Variants in KCNMA1 observed in about 807,000 individuals in gnomAD.
KCNMA1 encodes the protein potassium calcium-activated channel subfamily M alpha 1.
In KCNMA1, 29 loss-of-function variants were observed where a neutral mutation model predicts 140.0. That is an observed-to-expected ratio of 0.21 (90% CI 0.15 to 0.28). KCNMA1 has a LOEUF of 0.28. Ranked by LOEUF, KCNMA1 falls within the 10% of genes least tolerant of loss-of-function variation. The pLI is 1.00. For synonymous variants in KCNMA1, 612 were observed against 611.9 expected, an observed-to-expected ratio of 1.00 and a Z score of 0.00; for missense variants, 880 against 1,602.2, an observed-to-expected ratio of 0.55 and a Z score of 7.70.
intron 6 of KCNMA1, among the ~76,000 whole-genome samples, chr10:77,113,583 C>T (rs1360926096): frequency 1.3e-5 from 2 of 152,286 alleles, no homozygotes; most frequent in Non-Finnish European, 1.5e-5. Context: ...CCTGCCTTAG[C>T]CTCCCGAGTA....
chr10:77,180,832 C>T (rs1359255388), intron 5 of KCNMA1, among the ~76,000 whole-genome samples: 2 of 152,132 alleles, frequency 1.3e-5, no homozygotes, highest in Non-Finnish European at 2.9e-5. Context: ...AATTCATTTC[C>T]ACCTCTTTTA....
At chr10:77,509,548 T>C (rs1477309153) in intron 1 of KCNMA1, among the ~76,000 whole-genome samples, 2 of 152,184 alleles carry the variant, frequency 1.3e-5, no homozygotes, top group South Asian at 2.1e-4. Context: ...ATTCTATGTG[T>C]CATATTTTGA....
intron 1 of KCNMA1, among the ~76,000 whole-genome samples, chr10:77,455,025 C>A (rs935750852): frequency 4.6e-5 from 7 of 152,192 alleles, no homozygotes; most frequent in Non-Finnish European, 8.8e-5. Context: ...GCTTTAACTT[C>A]CTCCCTATCC....
intron 5 of KCNMA1, among the ~76,000 whole-genome samples, chr10:77,175,245 C>T (rs59158082): frequency 0.11 from 16,725 of 152,150 alleles, 1,527 homozygotes; most frequent in African/African-American, 0.25. Context: ...ATTGGACTAA[C>T]CTGAGTCTTG....
chr10:77,357,084 G>A (rs1449627935), intron 2 of KCNMA1, among the ~76,000 whole-genome samples: 1 of 152,200 alleles, frequency 6.6e-6, no homozygotes, highest in Non-Finnish European at 1.5e-5. Flanking sequence ...AGAGGTAAGA[G>A]ATGGAAAAAG....
At chr10:77,619,869 G>C (rs2090852457) in intron 1 of KCNMA1, among the ~76,000 whole-genome samples, 1 of 152,184 alleles carries the variant, frequency 6.6e-6, no homozygotes, top group South Asian at 2.1e-4. Context: ...CAGGAAGGCG[G>C]CATTCCCAGC....
chr10:77,568,934 A>T (rs1182616105), intron 1 of KCNMA1, among the ~76,000 whole-genome samples: 3 of 149,478 alleles, frequency 2.0e-5, no homozygotes, highest in African/African-American at 7.4e-5. Flanking sequence ...ATTCTCATAC[A>T]CCAACAACAG....
chr10:77,529,760 A>G (rs2057091842), intron 1 of KCNMA1, among the ~76,000 whole-genome samples: 1 of 152,118 alleles, frequency 6.6e-6, no homozygotes, highest in Admixed American at 6.5e-5. Flanking sequence ...CCAAGCAGAG[A>G]GTGACCAGGC....
chr10:77,564,095 T>C (rs2067314671), intron 1 of KCNMA1, among the ~76,000 whole-genome samples: 1 of 152,156 alleles, frequency 6.6e-6, no homozygotes, highest in Non-Finnish European at 1.5e-5. Context: ...CCAAGAGATA[T>C]TGGCAATAAA....
chr10:77,254,795 T>C (rs1194643985), intron 2 of KCNMA1, among the ~76,000 whole-genome samples: 2 of 152,272 alleles, frequency 1.3e-5, no homozygotes, highest in East Asian at 1.9e-4. Flanking sequence ...CAAGCTTCTA[T>C]AGTTTCAGGG....
intron 14 of KCNMA1, among the ~76,000 whole-genome samples, chr10:77,060,724 A>G (rs1170920656): frequency 4.6e-5 from 7 of 152,322 alleles, no homozygotes; most frequent in African/African-American, 1.4e-4. Context: ...GTGATTAACG[A>G]TCTTGTGATA....
At chr10:77,041,693 G>GCTTC in intron 14 of KCNMA1, among the ~76,000 whole-genome samples, 1 of 152,356 alleles carries the variant, frequency 6.6e-6, no homozygotes, top group East Asian at 1.9e-4. Flanking sequence ...CCTCCCTGAG[G>GCTTC]GAAGGAGGGC....
intron 23 of KCNMA1, among the ~76,000 whole-genome samples, chr10:76,936,893 A>G (rs908970516): frequency 2.0e-5 from 3 of 152,232 alleles, no homozygotes; most frequent in East Asian, 1.9e-4. Flanking sequence ...CAGGAAGGAC[A>G]TGAATGCTTC....
intron 2 of KCNMA1, among the ~76,000 whole-genome samples, chr10:77,273,059 T>C (rs1435969664): frequency 1.3e-5 from 2 of 152,240 alleles, no homozygotes; most frequent in African/African-American, 2.4e-5. Context: ...GAAGCATCTA[T>C]TCATCTACCC....
At chr10:77,380,913 GCAAAGTCTC>G (rs2095360464) in intron 2 of KCNMA1, among the ~76,000 whole-genome samples, 1 of 152,176 alleles carries the variant, frequency 6.6e-6, no homozygotes, top group South Asian at 2.1e-4. Context: ...AAGAGAAAGT[GCAAAGTCTC>G]CAAACTTATG....
chr10:77,187,842 G>T (rs542471775), intron 3 of KCNMA1, among the ~76,000 whole-genome samples: 1 of 152,222 alleles, frequency 6.6e-6, no homozygotes, highest in African/African-American at 2.4e-5. Flanking sequence ...TAAGTCCTCT[G>T]AGTGCCTGTA....
chr10:77,461,462 G>A (rs2097865162), intron 1 of KCNMA1, among the ~76,000 whole-genome samples: 1 of 152,166 alleles, frequency 6.6e-6, no homozygotes, highest in Admixed American at 6.5e-5. Context: ...CTTATTCAAG[G>A]TCACACAGTG....
chr10:77,150,386 C>T (rs1307575425), intron 5 of KCNMA1, among the ~76,000 whole-genome samples: 2 of 152,050 alleles, frequency 1.3e-5, no homozygotes, highest in Non-Finnish European at 2.9e-5. Context: ...ATTTCAAACC[C>T]AGGAAATTTA....
At chr10:77,404,122 G>T in intron 1 of KCNMA1, 99 bp from the exon 2 acceptor site, 1 of 1,178,866 alleles carries the variant, frequency 8.5e-7, no homozygotes, top group Non-Finnish European at 1.3e-6. Context: ...GTCCCCAGCT[G>T]AGATGGAAAC....
Sources: allele counts gnomAD v4.1 joint callset (sites outside exome capture counted in the v4.1 genomes callset), GRCh38; gene constraint gnomAD v4.1.1; transcripts MANE v1.5; gene names NCBI Gene and HGNC (gene_info 2026-07-23, HGNC 2026-07-21).